The following FAM120A variants were observed in gnomAD, a reference collection of about 807,000 sequenced individuals.
FAM120A encodes the protein constitutive coactivator of PPAR-gamma-like protein 1.
A neutral mutation model predicts 109.7 loss-of-function variants in FAM120A; 15 were observed. The ratio of observed to expected loss-of-function variants is 0.14; its 90% confidence interval spans 0.09 to 0.21. The LOEUF is 0.21. Among genes scored for constraint, FAM120A ranks in the 10% least tolerant of loss-of-function variants. The pLI, the probability that FAM120A is intolerant of heterozygous loss-of-function variation, is 1.00. For missense variants in FAM120A, 899 were observed against 1,439.3 expected, an observed-to-expected ratio of 0.62 and a Z score of 6.07; for synonymous variants, 493 against 572.8, an observed-to-expected ratio of 0.86 and a Z score of 1.99.
intron 10 of FAM120A, among the ~76,000 whole-genome samples, chr9:93,542,524 T>A (rs901022733): frequency 6.6e-6 from 1 of 152,248 alleles, no homozygotes; most frequent in Non-Finnish European, 1.5e-5. Flanking sequence ...TAAAAGGTAT[T>A]GTTTCCATGT....
At chr9:93,517,744 G>C (rs1027645820) in intron 7 of FAM120A, among the ~76,000 whole-genome samples, 3 of 152,218 alleles carry the variant, frequency 2.0e-5, no homozygotes, top group African/African-American at 7.2e-5. Flanking sequence ...TGGGGACGTG[G>C]GTGGTGACTG....
intron 12 of FAM120A, among the ~76,000 whole-genome samples, chr9:93,554,120 T>TACACACAGACAC (rs1554786170): frequency 5.7e-5 from 5 of 87,402 alleles, no homozygotes; most frequent in African/African-American, 2.0e-4. Flanking sequence ...GGCCATTTGA[T>TACACACAGACAC]ACACACACAC....
chr9:93,529,309 A>G (rs758588251), intron 8 of FAM120A, 44 bp from the exon 9 acceptor site: 1 of 1,494,436 alleles, frequency 6.7e-7, no homozygotes, highest in Non-Finnish European at 9.0e-7. Flanking sequence ...GAATGAAAAC[A>G]TGACATACAC....
In FAM120A at chr9:93,554,073, T is replaced by G. The variant is rs561163354; in HGVS notation, c.2275-2309T>G. Among the ~76,000 whole-genome samples the G allele has an allele frequency of 3.6e-5, 5 of 138,014 alleles. No homozygotes were observed. In the South Asian group the frequency reaches 1.2e-3, roughly 32 times the overall value. 90.5% of individuals were successfully genotyped at this position (138,014 alleles called of 152,430 possible). A position where few individuals can be genotyped will look rare whatever the true frequency, so the allele number is the denominator to read the frequency against. On this transcript the variant is annotated intron_variant, in intron 12 of 17. Transcript: ENST00000277165. ...ATTATCTTGAAACTATAAATAACATTTAAAAAATTCTTAAAAGTATAATCC... is the reference window on the plus strand; with the variant it reads ...ATTATCTTGAAACTATAAATAACATGTAAAAAATTCTTAAAAGTATAATCC...
intron 1 of FAM120A, among the ~76,000 whole-genome samples, chr9:93,461,814 A>G (rs1588778883): frequency 6.6e-6 from 1 of 152,298 alleles, no homozygotes; most frequent in Non-Finnish European, 1.5e-5. Flanking sequence ...TCACTGGAGC[A>G]TTTTGGATTT....
intron 5 of FAM120A, among the ~76,000 whole-genome samples, chr9:93,508,255 A>G (rs1282780135): frequency 6.6e-6 from 1 of 152,234 alleles, no homozygotes; most frequent in Non-Finnish European, 1.5e-5. Flanking sequence ...GCTAATCAGT[A>G]CTAAGCAAAG....
chr9:93,549,381 C>G (rs753526857), intron 11 of FAM120A, among the ~76,000 whole-genome samples: 1 of 152,208 alleles, frequency 6.6e-6, no homozygotes, highest in Non-Finnish European at 1.5e-5. Context: ...ATTTCTATAA[C>G]AGTAGATGAG....
chr9:93,529,838 T>C (rs1861258580), intron 9 of FAM120A: 1 of 564,500 alleles, frequency 1.8e-6, no homozygotes, highest in Admixed American at 3.6e-5. Flanking sequence ...AATGAAATAA[T>C]GCATCACATT....
chr9:93,483,988 G>A (rs1226798988), intron 3 of FAM120A, among the ~76,000 whole-genome samples: 4 of 151,510 alleles, frequency 2.6e-5, no homozygotes, highest in Non-Finnish European at 4.4e-5. Flanking sequence ...AGAATTCTGA[G>A]GAATCTGCTG....
intron 2 of FAM120A, among the ~76,000 whole-genome samples, chr9:93,471,640 C>G (rs913972393): frequency 6.6e-6 from 1 of 152,170 alleles, no homozygotes; most frequent in African/African-American, 2.4e-5. Flanking sequence ...TGTGAAAAAA[C>G]TCATTTAAGG....
At chr9:93,481,549 C>T (rs977918419) in intron 3 of FAM120A, among the ~76,000 whole-genome samples, 13 of 151,946 alleles carry the variant, frequency 8.6e-5, no homozygotes, top group Non-Finnish European at 1.5e-4. Flanking sequence ...TTTTTGTGTT[C>T]CTTAACTTCA....
rs1267810101 is a variant in FAM120A at position 93,453,078 on chromosome 9, GTGACTTC to G, written c.474+690_474+696del. Reference sequence around the variant, plus strand: ...GACAGGATGGGATTTTGTCAGTTCTGTGACTTCACGTCCGTGTGAAAGAGGTCTTTAA... The same window carrying G: ...GACAGGATGGGATTTTGTCAGTTCTGACGTCCGTGTGAAAGAGGTCTTTAA... On this transcript the variant is annotated intron_variant, in intron 1 of 17. Coordinates refer to ENST00000277165, the MANE Select transcript of FAM120A (RefSeq NM_014612.5). The G allele has an allele frequency of 2.8e-6, 3 of 1,081,694 alleles. No individual in the cohort carries two copies. In the African/African-American group the frequency reaches 5.1e-5, roughly 18 times the overall value. 67.0% of individuals were successfully genotyped at this position (1,081,694 alleles called of 1,614,324 possible). A position where few individuals can be genotyped will look rare whatever the true frequency, so the allele number is the denominator to read the frequency against.
At position 93,558,582 on chromosome 9, in the gene FAM120A, C is replaced by T. The variant is rs781532095; in HGVS notation, c.2670C>T (p.Gly890=). 19 of 1,613,984 alleles carry T rather than the reference C, an allele frequency of 1.2e-5. No homozygotes were observed. The highest frequency in any genetic ancestry group is 6.7e-5 in the East Asian group (3 of 44,890). ...PSQGRGRGFA[G]VCGFGGPYGE... is the part of the protein sequence containing the mutation. Reference sequence around the variant, plus strand: ...CTCTCTCTACCCCGGGTCCCACAGGCGTCTGTGGCTTTGGAGGCCCCTATG... The same window carrying T: ...CTCTCTCTACCCCGGGTCCCACAGGTGTCTGTGGCTTTGGAGGCCCCTATG... Residue 890 remains glycine (G), a splice_region_variant and synonymous_variant, in exon 15 of 18, where the codon GGC becomes GGT. Transcript: ENST00000277165.
rs540134514 is a variant in FAM120A, at chr9:93,457,271, G to T, written c.474+4882G>T. On this transcript the variant is annotated intron_variant, in intron 1 of 17. Coordinates refer to ENST00000277165, the MANE Select transcript of FAM120A (RefSeq NM_014612.5). ...TGGGTATATACTCAGAAGTAGGATT[G>T]CTGGGTCATATGGTAATTCTGTTTT... Among the ~76,000 whole-genome samples, 5 of 152,238 alleles carry T rather than the reference G, an allele frequency of 3.3e-5. No homozygotes were observed. In the South Asian group the frequency reaches 8.3e-4, roughly 25 times the overall value.
chr9:93,473,162 G>A (rs1250672012), intron 2 of FAM120A, among the ~76,000 whole-genome samples: 5 of 151,516 alleles, frequency 3.3e-5, no homozygotes, highest in East Asian at 1.9e-4. Context: ...GATTACAGGC[G>A]CCCACCACCA....
At chr9:93,486,535 C>CTTTTTTTTTTTT (rs139344165) in intron 3 of FAM120A, among the ~76,000 whole-genome samples, 1 of 138,582 alleles carries the variant, frequency 7.2e-6, no homozygotes, top group Admixed American at 7.2e-5. Flanking sequence ...TTTCTTTTTT[C>CTTTTTTTTTTTT]TTTTTTTTTT....
chr9:93,477,026 G>A (rs1313388221), intron 3 of FAM120A, among the ~76,000 whole-genome samples: 2 of 152,154 alleles, frequency 1.3e-5, no homozygotes, highest in African/African-American at 4.8e-5. Context: ...ATGATCATTT[G>A]TCAGTTCAAG....
intron 16 of FAM120A, among the ~76,000 whole-genome samples, chr9:93,561,862 A>G (rs1448229475): frequency 6.6e-6 from 1 of 152,186 alleles, no homozygotes; most frequent in East Asian, 1.9e-4. Flanking sequence ...AATGCATTGG[A>G]TATGGGAGAT....
At chr9:93,530,479 G>C (rs1861284859) in intron 9 of FAM120A, 2 of 152,164 alleles carry the variant, frequency 1.3e-5, no homozygotes, top group South Asian at 4.1e-4. Context: ...ATGAACTCCT[G>C]TTCTCAAATA....
Sources: gnomAD v4.1 joint callset for allele counts (sites outside exome capture counted in the v4.1 genomes callset) on GRCh38, gnomAD v4.1.1 for gene constraint, MANE v1.5 for transcripts, NCBI Gene and HGNC (gene_info 2026-07-23, HGNC 2026-07-21) for gene names.